ZBTB16: variants seen among roughly 807,000 people sequenced by gnomAD.
ZBTB16 encodes the protein zinc finger and BTB domain containing 16.
In ZBTB16, 8 loss-of-function variants were observed where a neutral mutation model predicts 56.8. The observed-to-expected ratio is 0.14, with a 90% confidence interval of 0.08 to 0.25. ZBTB16 has a LOEUF of 0.25. Ranked by LOEUF, ZBTB16 falls within the 10% of genes least tolerant of loss-of-function variation. The probability of loss-of-function intolerance (pLI) is 1.00; values close to 1 mark genes in which losing one functional copy is unlikely to be tolerated. For missense variants in ZBTB16, 625 were observed against 903.0 expected, an observed-to-expected ratio of 0.69 and a Z score of 3.95; for synonymous variants, 363 against 368.5, an observed-to-expected ratio of 0.98 and a Z score of 0.17.
chr11:114,088,290 C>A (rs894283533), intron 2 of ZBTB16, among the ~76,000 whole-genome samples: 2 of 151,920 alleles, frequency 1.3e-5, no homozygotes, highest in Non-Finnish European at 2.9e-5. Flanking sequence ...TACAGACATG[C>A]GCTACCATGC....
In ZBTB16 at chr11:114,075,377, C is replaced by T. The variant is rs369543150; in HGVS notation, c.1268+10809C>T. 1.1e-4 allele frequency among the ~76,000 whole-genome samples: 17 copies of T among 152,164 alleles called. No homozygotes were observed. In the East Asian group the frequency reaches 1.7e-3, roughly 16 times the overall value. Reference sequence around the variant, plus strand: ...TATAGAGAATACATGGCCCAGCGTCCGGCCAGTGGTGTGGCCTCAGGTTGT... The same window carrying T: ...TATAGAGAATACATGGCCCAGCGTCTGGCCAGTGGTGTGGCCTCAGGTTGT... On this transcript the variant is annotated intron_variant, in intron 2 of 6. Coordinates refer to ENST00000335953, the MANE Select transcript of ZBTB16 (RefSeq NM_006006.6).
At chr11:114,242,659 C>T (rs923300151) in intron 5 of ZBTB16, among the ~76,000 whole-genome samples, 5 of 152,114 alleles carry the variant, frequency 3.3e-5, no homozygotes, top group African/African-American at 1.2e-4. Flanking sequence ...AATATGTATT[C>T]CCAAGGGATT....
At position 114,249,393 on chromosome 11, in the gene ZBTB16, G is replaced by A. The variant is rs1452896333; in HGVS notation, c.1793-933G>A. 3.4e-5 allele frequency among the ~76,000 whole-genome samples: 5 copies of A among 145,944 alleles called. No homozygotes were observed. The East Asian group carries it at 1.0e-3, about 30-fold the overall frequency. On this transcript the variant is annotated intron_variant, in intron 6 of 6. Coordinates refer to ENST00000335953, the MANE Select transcript of ZBTB16 (RefSeq NM_006006.6). ...CAATCACTTGAACCCGGGAGGCAGAGGTTGCAGTGAGCTGAGATTGCACCA... is the reference window on the plus strand; with the variant it reads ...CAATCACTTGAACCCGGGAGGCAGAAGTTGCAGTGAGCTGAGATTGCACCA...
intron 5 of ZBTB16, among the ~76,000 whole-genome samples, chr11:114,243,007 A>G (rs1591811089): frequency 2.0e-5 from 3 of 152,298 alleles, no homozygotes; most frequent in South Asian, 2.1e-4. Flanking sequence ...GGGGCTGGCC[A>G]TTCCCTGCCA....
chr11:114,192,158 C>G (rs1220978527), intron 4 of ZBTB16, among the ~76,000 whole-genome samples: 7 of 152,196 alleles, frequency 4.6e-5, no homozygotes. Flanking sequence ...GGCTCCTTCA[C>G]TCAATTATCT....
intron 4 of ZBTB16, among the ~76,000 whole-genome samples, chr11:114,225,371 T>G (rs1179648736): frequency 2.0e-5 from 3 of 152,186 alleles, no homozygotes; most frequent in Admixed American, 1.3e-4. Flanking sequence ...GGTACCTGTC[T>G]TAGTCTGTTT....
At chr11:114,178,344 C>T (rs1943168438) in intron 3 of ZBTB16, among the ~76,000 whole-genome samples, 1 of 152,056 alleles carries the variant, frequency 6.6e-6, no homozygotes, top group South Asian at 2.1e-4. Context: ...ATTAATCATC[C>T]CTCAACCAAC....
intron 2 of ZBTB16, among the ~76,000 whole-genome samples, chr11:114,144,987 T>C (rs925499371): frequency 1.3e-5 from 2 of 152,244 alleles, no homozygotes; most frequent in South Asian, 2.1e-4. Flanking sequence ...TCTTCATTTT[T>C]CACTTGATTC....
chr11:114,165,945 A>T (rs929392325), intron 3 of ZBTB16, among the ~76,000 whole-genome samples: 1 of 152,118 alleles, frequency 6.6e-6, no homozygotes, highest in Non-Finnish European at 1.5e-5. Context: ...TGGAAACATC[A>T]TGGTATTTCA....
chr11:114,250,591 C>T lies in ZBTB16; in HGVS notation c.*36C>T. On this transcript the variant is annotated 3_prime_UTR_variant, in exon 7 of 7. Transcript: ENST00000335953. The surrounding 1 kb of genome is among the most constrained non-coding windows in gnomAD (Gnocchi z 6.0). ...GCGGCGGTGGAGCCGAGCGGGGAGC[C>T]AGGAAAGAAGAGTTGGAGTGAGATG... 6.2e-7 allele frequency: 1 copy of T among 1,604,052 alleles called. No homozygotes were observed. Among genetic ancestry groups the T allele is most frequent in the Non-Finnish European group, 8.5e-7 (1 of 1,172,584 alleles).
chr11:114,102,585 G>T (rs947276190), intron 2 of ZBTB16, among the ~76,000 whole-genome samples: 2 of 150,380 alleles, frequency 1.3e-5, no homozygotes, highest in African/African-American at 4.9e-5. Flanking sequence ...CATTTTCTGG[G>T]AAGTGAATCT....
intron 2 of ZBTB16, among the ~76,000 whole-genome samples, chr11:114,135,122 G>GC (rs1207024172): frequency 1.3e-5 from 2 of 152,238 alleles, no homozygotes; most frequent in Non-Finnish European, 2.9e-5. Context: ...AGTGGATCAT[G>GC]CCGGGGGGAA....
At chr11:114,169,098 G>C (rs931404743) in intron 3 of ZBTB16, among the ~76,000 whole-genome samples, 11 of 152,146 alleles carry the variant, frequency 7.2e-5, no homozygotes, top group African/African-American at 2.7e-4. Context: ...AGGAGGGGTA[G>C]GAGGAGAGAG....
chr11:114,091,106 C>T (rs1435074138), intron 2 of ZBTB16, among the ~76,000 whole-genome samples: 8 of 152,052 alleles, frequency 5.3e-5, no homozygotes, highest in South Asian at 4.2e-4. Context: ...GGAGGCACTT[C>T]GGGAGGCCGA....
At chr11:114,076,091 A>G (rs1939553945) in intron 2 of ZBTB16, among the ~76,000 whole-genome samples, 1 of 152,110 alleles carries the variant, frequency 6.6e-6, no homozygotes, top group Non-Finnish European at 1.5e-5. Context: ...GTGACAAAGG[A>G]GTGAACTGCA....
chr11:114,184,130 C>G (rs371920345), intron 3 of ZBTB16, among the ~76,000 whole-genome samples: 9 of 152,332 alleles, frequency 5.9e-5, no homozygotes, highest in African/African-American at 2.2e-4. Context: ...ACCCACTTAT[C>G]CAGCCAGTCG....
chr11:114,064,798 A>C lies in ZBTB16; in HGVS notation c.1268+230A>C, dbSNP rs1939051676. Reference sequence around the variant, plus strand: ...AGCACCAGGGGACACTCATGGGCGCAGCTTCTTAATAGGCCCTTCCCTTTG... The same window carrying C: ...AGCACCAGGGGACACTCATGGGCGCCGCTTCTTAATAGGCCCTTCCCTTTG... On this transcript the variant is annotated intron_variant, in intron 2 of 6. Coordinates refer to ENST00000335953, the MANE Select transcript of ZBTB16 (RefSeq NM_006006.6). The surrounding 1 kb of genome is among the most constrained non-coding windows in gnomAD (Gnocchi z 4.2). Among the ~76,000 whole-genome samples, 1 of 152,190 alleles carries C rather than the reference A, an allele frequency of 6.6e-6. No homozygotes were observed. Among genetic ancestry groups the C allele is most frequent in the Non-Finnish European group, 1.5e-5 (1 of 68,034 alleles).
intron 3 of ZBTB16, among the ~76,000 whole-genome samples, chr11:114,169,894 A>G (rs1452790824): frequency 1.3e-5 from 2 of 152,148 alleles, no homozygotes; most frequent in Admixed American, 6.5e-5. Context: ...TTTCTGGACA[A>G]GAGGAAGCAA....
At chr11:114,214,488 C>T (rs1244025949) in intron 4 of ZBTB16, among the ~76,000 whole-genome samples, 3 of 152,288 alleles carry the variant, frequency 2.0e-5, no homozygotes, top group East Asian at 3.9e-4. Flanking sequence ...CTCACAGCAG[C>T]CCTATGGCTA....
Sources: allele counts gnomAD v4.1 joint callset (sites outside exome capture counted in the v4.1 genomes callset), GRCh38; gene constraint gnomAD v4.1.1; non-coding constraint Gnocchi (gnomAD v3.1); transcripts MANE v1.5; gene names NCBI Gene and HGNC (gene_info 2026-07-23, HGNC 2026-07-21).